ADPGK: variants seen among roughly 807,000 people sequenced by gnomAD.
ADPGK encodes ADP-dependent glucokinase.
ADPGK carries 26 observed loss-of-function variants against 42.4 expected under a neutral mutation model. The ratio of observed to expected loss-of-function variants is 0.61; its 90% CI spans 0.45 to 0.85. The LOEUF is 0.85. ADPGK is among the 40% of genes least tolerant of loss of function. The pLI, the probability that ADPGK is intolerant of heterozygous loss-of-function variation, is 0.00. For missense variants in ADPGK, 571 were observed against 627.0 expected, an observed-to-expected ratio of 0.91 and a Z score of 0.95; for synonymous variants, 267 against 252.6, an observed-to-expected ratio of 1.06 and a Z score of -0.54.
intron 3 of ADPGK, among the ~76,000 whole-genome samples, chr15:72,762,068 C>T (rs2066202212): frequency 6.6e-6 from 1 of 152,152 alleles, no homozygotes; most frequent in South Asian, 2.1e-4. Flanking sequence ...GACGGGGTTT[C>T]ACCATGTTGG....
intron 1 of ADPGK, among the ~76,000 whole-genome samples, chr15:72,781,786 A>G: frequency 6.6e-6 from 1 of 152,208 alleles, no homozygotes; most frequent in East Asian, 1.9e-4. Flanking sequence ...CCACCAATTC[A>G]TATGCTGAAA....
rs768500592 is a variant in ADPGK at position 72,775,121 on chromosome 15, TG to T, written c.234-25del. The T allele has an allele frequency of 2.5e-6, 4 of 1,600,736 alleles. No homozygotes were observed. The South Asian group carries it at 4.4e-5, about 18-fold the overall frequency. On this transcript the variant is annotated intron_variant, in intron 1 of 6. Coordinates refer to ENST00000456471, the MANE Select transcript of ADPGK (RefSeq NM_001365225.1). ...CTCTAGAAGGAGGAAAAAAACTGTG[TG>T]AAAGCAGCAGAAGCACCAAGTAGCC... is the stretch of plus-strand genomic sequence containing the variant.
chr15:72,752,977 T>C, intron 6 of ADPGK, 82 bp from the exon 7 acceptor site: 1 of 1,390,254 alleles, frequency 7.2e-7, no homozygotes, highest in Non-Finnish European at 9.7e-7. Context: ...AGTGACTAAA[T>C]GACAGGGAAC....
chr15:72,783,581 G>T lies in ADPGK; in HGVS notation c.111C>A (p.Ser37Arg), dbSNP rs757289167. ...CAGGCGCGGGCCCCAGACACAGCGAGCTCCAGAGAGAGCGCAGCGCCGAGC... is the reference window on the plus strand; with the variant it reads ...CAGGCGCGGGCCCCAGACACAGCGATCTCCAGAGAGAGCGCAGCGCCGAGC... ...LPGSALRSLW[S>R]SLCLGPAPAP... is the part of the protein sequence containing the mutation. Residue 37 changes from serine to arginine, a missense_variant, in exon 1 of 7, where the codon AGC (serine) becomes AGA (arginine). Transcript: ENST00000456471. 8.6e-6 allele frequency: 13 copies of T among 1,515,358 alleles called. No homozygotes were observed. In the South Asian group the frequency reaches 1.5e-4, roughly 17 times the overall value. The allele number at this position is 1,515,358 out of a possible 1,614,324, so 93.9% of individuals were successfully genotyped here.
At chr15:72,780,689 G>T (rs914736485) in intron 1 of ADPGK, among the ~76,000 whole-genome samples, 2 of 152,086 alleles carry the variant, frequency 1.3e-5, no homozygotes, top group African/African-American at 4.8e-5. Flanking sequence ...CCAGCTACTC[G>T]GGACACTGAG....
chr15:72,758,110 C>G, intron 4 of ADPGK: 1 of 1,613,342 alleles, frequency 6.2e-7, no homozygotes, highest in South Asian at 1.1e-5. Flanking sequence ...GTCCCTCCAT[C>G]ATGTGCAATC....
rs2066057914 is a variant in ADPGK at position 72,752,465 on chromosome 15, C to G, written c.1370G>C (p.Arg457Thr). ...TGTGAAGTGGAAGGATATTCCCTCT[C>G]TGTGCCATTCTACTACTGGCTTGTT... ...NPNKPVVEWH[R>T]EGISFHFTPV... The change falls in exon 7 of 7, where the codon AGA (arginine) becomes ACA (threonine). Residue 457 changes from arginine (R) to threonine (T), a missense_variant. Arg to Thr is a moderately conservative substitution (Grantham distance 71). This residue lies in a region of ADPGK where 434 missense variants were observed against 522.7 expected (regional missense o/e 0.83). Coordinates refer to ENST00000456471, the MANE Select transcript of ADPGK (RefSeq NM_001365225.1). 1 of 1,614,092 alleles carries G rather than the reference C, an allele frequency of 6.2e-7. No homozygotes were observed. Among genetic ancestry groups the G allele is most frequent in the African/African-American group, 1.3e-5 (1 of 74,916 alleles).
intron 1 of ADPGK, chr15:72,783,087 G>C (rs1032384197): frequency 2.1e-6 from 1 of 483,802 alleles, no homozygotes; most frequent in African/African-American, 2.1e-5. Flanking sequence ...TCAGAAGAAA[G>C]AGGAAGAGTG....
rs772707510 is a variant in ADPGK, at chr15:72,775,079, A to G, written c.252T>C (p.Asp84=). Residue 84 remains aspartate, a synonymous_variant, in exon 2 of 7, where the codon GAT becomes GAC. Transcript: ENST00000456471. ...RVAVGVNACV[D]VVLSGVKLLQ... The stretch of plus-strand genomic sequence containing the variant: ...AGAGCTTCACCCCTGAGAGCACCAC[A>G]TCAACACATGCATTGACTCTAGAAG... 1 of 1,614,154 alleles carries G rather than the reference A, an allele frequency of 6.2e-7. No individual in the cohort carries two copies. Among genetic ancestry groups the G allele is most frequent in the South Asian group, 1.1e-5 (1 of 91,086 alleles).
intron 1 of ADPGK, among the ~76,000 whole-genome samples, chr15:72,782,119 AAT>A (rs1021137064): frequency 2.0e-5 from 3 of 152,234 alleles, no homozygotes; most frequent in African/African-American, 7.2e-5. Context: ...CTGATACAAT[AAT>A]ATGTTTCCAA....
intron 1 of ADPGK, among the ~76,000 whole-genome samples, chr15:72,778,602 T>C (rs1428719873): frequency 1.3e-5 from 2 of 151,906 alleles, no homozygotes; most frequent in Non-Finnish European, 2.9e-5. Flanking sequence ...TCAAAATGGG[T>C]TGGGGGGCTG....
intron 1 of ADPGK, among the ~76,000 whole-genome samples, chr15:72,780,613 T>C (rs191126825): frequency 6.6e-6 from 1 of 152,130 alleles, no homozygotes; most frequent in Non-Finnish European, 1.5e-5. Flanking sequence ...CCTGAGCAAC[T>C]TGGCAAATCC....
chr15:72,771,257 C>T (rs981644256), intron 3 of ADPGK, among the ~76,000 whole-genome samples: 1 of 152,124 alleles, frequency 6.6e-6, no homozygotes, highest in African/African-American at 2.4e-5. Flanking sequence ...GAAGACACTC[C>T]CCTACTGACT....
At chr15:72,777,120 T>A (rs1426298353) in intron 1 of ADPGK, among the ~76,000 whole-genome samples, 3 of 152,202 alleles carry the variant, frequency 2.0e-5, no homozygotes, top group Non-Finnish European at 1.5e-5. Context: ...CAAACACACC[T>A]TGCAAACTGG....
intron 1 of ADPGK, 67 bp downstream of exon 1, chr15:72,783,392 C>G (rs886977414): frequency 1.2e-4 from 156 of 1,312,228 alleles, no homozygotes; most frequent in Middle Eastern, 5.7e-4. Context: ...CCTGTTTCTG[C>G]GCGGCTCCGC....
chr15:72,779,489 C>G (rs2066430704), intron 1 of ADPGK, among the ~76,000 whole-genome samples: 1 of 152,064 alleles, frequency 6.6e-6, no homozygotes. Flanking sequence ...AGGTGATCCA[C>G]CCACCTCAGC....
intron 3 of ADPGK, among the ~76,000 whole-genome samples, chr15:72,766,812 A>C (rs2066266720): frequency 6.6e-6 from 1 of 152,216 alleles, no homozygotes; most frequent in African/African-American, 2.4e-5. Context: ...ATACCTAATA[A>C]AGTCAGAGAA....
Position 72,760,357 on chromosome 15 carries a change from T to TACACAGCC in ADPGK, c.643+42_643+49dup, listed in dbSNP as rs1324098112. On this transcript the variant is annotated intron_variant, in intron 4 of 6. Transcript: ENST00000456471. ...GCACAGTCACACCCCAATCTGACAA[T>TACACAGCC]ACACAGCCCCTTGACTGGTCTTGCC... 2.6e-6 allele frequency: 4 copies of TACACAGCC among 1,537,736 alleles called. No individual in the cohort carries two copies. The African/African-American group carries it at 5.5e-5, about 21-fold the overall frequency.
Position 72,752,831 on chromosome 15 carries a change from G to C in ADPGK, c.1004C>G (p.Ser335Ter). The C allele has an allele frequency of 1.2e-6, 2 of 1,614,238 alleles. No homozygotes were observed. Among genetic ancestry groups the C allele is most frequent in the Admixed American group, 1.7e-5 (1 of 60,028 alleles). ...NEQELLFLTQSASGPHSSLSS... is the reference protein window; with the variant it reads ...NEQELLFLTQ ...GAGAGAAGAGTGAGGTCCAGAGGCT[G>C]ACTGGGTGAGAAATAACAGCTCCTG... The change falls in exon 7 of 7, where the codon TCA becomes TGA. Residue 335 changes from serine (S) to a stop codon, truncating the protein, a stop_gained. Coordinates refer to ENST00000456471, the MANE Select transcript of ADPGK (RefSeq NM_001365225.1). LOFTEE classifies it high-confidence loss of function.
Sources: allele counts gnomAD v4.1 joint callset (sites outside exome capture counted in the v4.1 genomes callset), GRCh38; gene constraint gnomAD v4.1.1; regional missense constraint gnomAD v4.1.1; transcripts MANE v1.5; gene names NCBI Gene and HGNC (gene_info 2026-07-23, HGNC 2026-07-21).